Variants in NEGR1 observed in about 807,000 individuals in gnomAD.
The protein encoded by NEGR1 is neuronal growth regulator 1, also known as IgLON family member 4.
Under a neutral mutation model 40.9 loss-of-function variants are expected in NEGR1, and 10 were observed. The observed-to-expected ratio is 0.24, with a 90% CI of 0.15 to 0.42. NEGR1 has a LOEUF of 0.42. NEGR1 is among the 10% of genes least tolerant of loss of function. The pLI is 1.00. For synonymous variants in NEGR1, 185 were observed against 166.8 expected, an observed-to-expected ratio of 1.11 and a Z score of -0.84; for missense variants, 352 against 438.9, an observed-to-expected ratio of 0.80 and a Z score of 1.77.
At chr1:71,726,338 TC>T (rs1654674076) in intron 3 of NEGR1, among the ~76,000 whole-genome samples, 1 of 152,104 alleles carries the variant, frequency 6.6e-6, no homozygotes, top group African/African-American at 2.4e-5. Flanking sequence ...TACAACTACT[TC>T]TTTGCTCTGC....
At chr1:72,022,548 C>A (rs1646770452) in intron 1 of NEGR1, among the ~76,000 whole-genome samples, 1 of 149,850 alleles carries the variant, frequency 6.7e-6, no homozygotes, top group Non-Finnish European at 1.5e-5. Context: ...TATATAAACA[C>A]ACACATATAT....
chr1:72,267,712 C>A (rs1271728072), intron 1 of NEGR1, among the ~76,000 whole-genome samples: 3 of 151,194 alleles, frequency 2.0e-5, no homozygotes, highest in African/African-American at 4.8e-5. Context: ...TTAAAAATAT[C>A]GTTTGCTTTG....
At chr1:72,072,395 G>T (rs558345342) in intron 1 of NEGR1, among the ~76,000 whole-genome samples, 1 of 151,932 alleles carries the variant, frequency 6.6e-6, no homozygotes, top group Non-Finnish European at 1.5e-5. Flanking sequence ...TTCTCATGCC[G>T]GGGGACAGCT....
At chr1:71,759,596 C>CTTTTT (rs71074804) in intron 3 of NEGR1, among the ~76,000 whole-genome samples, 2,145 of 31,976 alleles carry the variant, frequency 0.067, 788 homozygotes, top group East Asian at 0.13. Context: ...TGCGTCCAGG[C>CTTTTT]TTTTTTTTTT....
chr1:72,120,955 C>A (rs1649779683), intron 1 of NEGR1, among the ~76,000 whole-genome samples: 1 of 152,000 alleles, frequency 6.6e-6, no homozygotes, highest in African/African-American at 2.4e-5. Context: ...TGCCAACACT[C>A]AGTAAGACAC....
chr1:71,498,450 T>G (rs1646979542), intron 6 of NEGR1, among the ~76,000 whole-genome samples: 1 of 152,080 alleles, frequency 6.6e-6, no homozygotes, highest in Non-Finnish European at 1.5e-5. Context: ...ATGTACATAT[T>G]ATGCTTCAAG....
intron 1 of NEGR1, among the ~76,000 whole-genome samples, chr1:72,000,014 T>C (rs1646543800): frequency 6.6e-6 from 1 of 152,066 alleles, no homozygotes; most frequent in South Asian, 2.1e-4. Context: ...GTGAACTAAA[T>C]GTGCATTATG....
intron 3 of NEGR1, among the ~76,000 whole-genome samples, chr1:71,716,313 G>A (rs995081331): frequency 2.6e-5 from 4 of 152,030 alleles, no homozygotes; most frequent in African/African-American, 7.2e-5. Context: ...GGGACACAGA[G>A]CCAAACCATA....
Position 71,520,431 on chromosome 1 carries a change from T to C in NEGR1, c.940+72386A>G, listed in dbSNP as rs59058212. 3.4e-3 allele frequency among the ~76,000 whole-genome samples: 523 copies of C among 152,086 alleles called. 6 individuals are homozygous for C. The East Asian group carries it at 0.04, about 12-fold the overall frequency. ...CTTTTCGAAGCAAACTCAGTTGCAT[T>C]TTGTGTGCCAGAGAAATCTCCCTTG... is the stretch of plus-strand genomic sequence containing the variant. On this transcript the variant is annotated intron_variant, in intron 6 of 6. Coordinates refer to ENST00000357731, the MANE Select transcript of NEGR1 (RefSeq NM_173808.3).
At chr1:72,056,518 A>T (rs1647112434) in intron 1 of NEGR1, among the ~76,000 whole-genome samples, 1 of 151,352 alleles carries the variant, frequency 6.6e-6, no homozygotes, top group Non-Finnish European at 1.5e-5. Flanking sequence ...AATTAGAATA[A>T]TCTATCTAGT....
chr1:72,129,089 C>T (rs1335735478), intron 1 of NEGR1, among the ~76,000 whole-genome samples: 3 of 152,092 alleles, frequency 2.0e-5, no homozygotes, highest in African/African-American at 4.8e-5. Context: ...CCTAGGTTTC[C>T]GGCTCACAGA....
intron 4 of NEGR1, among the ~76,000 whole-genome samples, chr1:71,621,278 G>A (rs1181415392): frequency 6.6e-6 from 1 of 151,874 alleles, no homozygotes; most frequent in Non-Finnish European, 1.5e-5. Context: ...AAAGGCAGAT[G>A]TGGTAAACCT....
rs190378736 is a variant in NEGR1 at position 71,550,310 on chromosome 1, T to C, written c.940+42507A>G. ...TTATGTTGATCTATAAATGGCATAA[T>C]ATTTTACAATTGACACTATGTTGTG... On this transcript the variant is annotated intron_variant, in intron 6 of 6. Coordinates refer to ENST00000357731, the MANE Select transcript of NEGR1 (RefSeq NM_173808.3). Among the ~76,000 whole-genome samples the C allele has an allele frequency of 8.0e-4, 122 of 151,778 alleles. 1 individual carries two copies. Among genetic ancestry groups the C allele is most frequent in the Non-Finnish European group, 1.5e-3 (102 of 67,762 alleles).
At chr1:72,154,377 G>A (rs1202553660) in intron 1 of NEGR1, among the ~76,000 whole-genome samples, 1 of 151,822 alleles carries the variant, frequency 6.6e-6, no homozygotes, top group Non-Finnish European at 1.5e-5. Context: ...AATTGTTGTT[G>A]AGCCAGTGTT....
At chr1:71,749,389 G>T (rs1251228049) in intron 3 of NEGR1, among the ~76,000 whole-genome samples, 2 of 151,938 alleles carry the variant, frequency 1.3e-5, no homozygotes, top group African/African-American at 4.8e-5. Context: ...GTTATTTTTC[G>T]TGAGTAAAAT....
At chr1:71,725,432 A>C (rs1277262551) in intron 3 of NEGR1, among the ~76,000 whole-genome samples, 1 of 152,110 alleles carries the variant, frequency 6.6e-6, no homozygotes, top group Non-Finnish European at 1.5e-5. Flanking sequence ...GAGTTAAGGA[A>C]ATGAGTTAAC....
At chr1:72,090,284 G>C (rs2100542947) in intron 1 of NEGR1, among the ~76,000 whole-genome samples, 1 of 151,284 alleles carries the variant, frequency 6.6e-6, no homozygotes, top group East Asian at 1.9e-4. Context: ...CTGTATCTAG[G>C]TGATGGGGGC....
At chr1:71,409,226 T>C (rs918174825) in intron 6 of NEGR1, among the ~76,000 whole-genome samples, 1 of 151,994 alleles carries the variant, frequency 6.6e-6, no homozygotes, top group Non-Finnish European at 1.5e-5. Context: ...TTTCTAGACC[T>C]AGAAAAATAT....
chr1:71,899,885 C>T (rs1219860040), intron 2 of NEGR1, among the ~76,000 whole-genome samples: 3 of 152,184 alleles, frequency 2.0e-5, no homozygotes, highest in Admixed American at 6.5e-5. Context: ...CAAGGGTCCA[C>T]TCTAAATGCC....
Sources: allele counts gnomAD v4.1 joint callset (sites outside exome capture counted in the v4.1 genomes callset), GRCh38; gene constraint gnomAD v4.1.1; transcripts MANE v1.5; gene names NCBI Gene and HGNC (gene_info 2026-07-23, HGNC 2026-07-21).